BAHCC1: variants seen among roughly 807,000 people sequenced by gnomAD.
The protein encoded by BAHCC1 is BAH and coiled-coil domain-containing protein 1.
BAHCC1 carries 43 observed loss-of-function variants against 88.2 expected under a neutral mutation model. The observed-to-expected ratio is 0.49, with a 90% CI of 0.38 to 0.63. BAHCC1 has a LOEUF of 0.63. Ranked by LOEUF, BAHCC1 falls within the 20% of genes least tolerant of loss-of-function variation. BAHCC1 has a pLI of 0.00. For missense variants in BAHCC1, 3,023 were observed against 1,654.8 expected (o/e 1.83, Z -14.34); for synonymous variants, 1,510 against 745.5 (o/e 2.03, Z -16.71).
At chr17:81,416,814 C>T (rs895718355) in intron 2 of BAHCC1, among the ~76,000 whole-genome samples, 8 of 152,202 alleles carry the variant, frequency 5.3e-5, no homozygotes, top group Non-Finnish European at 1.2e-4. Flanking sequence ...GGAGCACGCT[C>T]GCAGCCTGTG....
intron 11 of BAHCC1, among the ~76,000 whole-genome samples, chr17:81,448,570 G>A (rs1555655139): frequency 1.3e-5 from 2 of 152,218 alleles, no homozygotes; most frequent in Admixed American, 6.5e-5. Flanking sequence ...TCCCCCAGCC[G>A]GGCACGGCGC....
chr17:81,405,999 G>A (rs954302699), intron 2 of BAHCC1, among the ~76,000 whole-genome samples: 4 of 152,228 alleles, frequency 2.6e-5, no homozygotes, highest in Admixed American at 6.5e-5. Flanking sequence ...TAGCAGCAGG[G>A]CCAGCCTCTG....
rs140851443 is a variant in BAHCC1, at chr17:81,458,810, C to T, written c.5449-3C>T. On this transcript the variant is annotated splice_region_variant and splice_polypyrimidine_tract_variant and intron_variant, in intron 19 of 27. Coordinates refer to ENST00000675386, the MANE Select transcript of BAHCC1 (RefSeq NM_001377448.1). ...ACCCAAGCCTGACTCCTCTGGCCCC[C>T]AGGGCAAGGGCCGGGCCGTGAGCCG... 5.2e-6 allele frequency: 4 copies of T among 763,386 alleles called. No individual in the cohort carries two copies. The highest frequency in any genetic ancestry group is 2.5e-5 in the East Asian group (1 of 40,816). The allele number at this position is 763,386 out of a possible 1,614,324, so 47.3% of individuals were successfully genotyped here.
At chr17:81,419,923 C>T (rs1555649417) in intron 2 of BAHCC1, among the ~76,000 whole-genome samples, 1 of 152,150 alleles carries the variant, frequency 6.6e-6, no homozygotes, top group African/African-American at 2.4e-5. Context: ...GCTCCCGGGC[C>T]CTGCCGTCCT....
At chr17:81,449,219 T>C (rs1389976916) in intron 11 of BAHCC1, among the ~76,000 whole-genome samples, 1 of 152,134 alleles carries the variant, frequency 6.6e-6, no homozygotes, top group African/African-American at 2.4e-5. Context: ...CCCCAGGGTG[T>C]GCAGAAGTGG....
At position 81,399,891 on chromosome 17, in the gene BAHCC1, C is replaced by T. The variant is rs1275093671; in HGVS notation, c.152C>T (p.Ser51Leu). 8 of 1,449,298 alleles carry T rather than the reference C, an allele frequency of 5.5e-6. No homozygotes were observed. The highest frequency in any genetic ancestry group is 7.3e-6 in the Non-Finnish European group (8 of 1,098,688). 89.8% of individuals were successfully genotyped at this position (1,449,298 alleles called of 1,614,324 possible). Residue 51 changes from serine (S) to leucine (L), a missense_variant, in exon 2 of 28, where the codon TCG (serine) becomes TTG (leucine). Coordinates refer to ENST00000675386, the MANE Select transcript of BAHCC1 (RefSeq NM_001377448.1). This position sits in a 1 kb window ranked among gnomAD's most constrained non-coding sequence, Gnocchi z 4.5. ...AHFQPGKYFP[S>L]PLPMASHTAS... ...TTCCAGCCGGGAAAGTACTTCCCGTCGCCGTTGCCCATGGCTTCGCACACA... is the reference window on the plus strand; with the variant it reads ...TTCCAGCCGGGAAAGTACTTCCCGTTGCCGTTGCCCATGGCTTCGCACACA...
intron 2 of BAHCC1, among the ~76,000 whole-genome samples, chr17:81,425,711 ATAG>A (rs781998795): frequency 0.058 from 4,125 of 70,736 alleles, 97 homozygotes; most frequent in African/African-American, 0.19. Context: ...GTTGGTGGTG[ATAG>A]TGGTGGGTGA....
chr17:81,421,792 G>A (rs1049441578), intron 2 of BAHCC1: 9 of 173,132 alleles, frequency 5.2e-5, no homozygotes, highest in Non-Finnish European at 1.0e-4. Flanking sequence ...CCAGAGCCAG[G>A]ATTTCCAGAA....
intron 3 of BAHCC1, among the ~76,000 whole-genome samples, chr17:81,437,675 G>T (rs1198971977): frequency 2.6e-5 from 4 of 152,216 alleles, no homozygotes; most frequent in African/African-American, 9.6e-5. Context: ...AAATGTGGCT[G>T]CCTTGAGGGA....
chr17:81,429,763 G>A (rs961050720), intron 3 of BAHCC1, among the ~76,000 whole-genome samples: 1 of 152,218 alleles, frequency 6.6e-6, no homozygotes, highest in Non-Finnish European at 1.5e-5. Flanking sequence ...CCCCTCCCCA[G>A]CCCAGGGCTT....
At chr17:81,396,238 G>C (rs932650698) in intron 1 of BAHCC1, 1 of 152,274 alleles carries the variant, frequency 6.6e-6, no homozygotes, top group Admixed American at 6.5e-5. Flanking sequence ...GCCGGGGAGG[G>C]GAATGGTCAT....
chr17:81,443,282 G>GTGGTGGGCCAGAAAGCACCCT lies in BAHCC1; in HGVS notation c.1943_1963dup (p.Gln648_Gly654dup). 4 of 779,524 alleles carry GTGGTGGGCCAGAAAGCACCCT rather than the reference G, an allele frequency of 5.1e-6. No homozygotes were observed. Among genetic ancestry groups the GTGGTGGGCCAGAAAGCACCCT allele is most frequent in the Non-Finnish European group, 9.6e-6 (4 of 417,918 alleles). The allele number at this position is 779,524 out of a possible 1,614,324, so 48.3% of individuals were successfully genotyped here. A position where few individuals can be genotyped will look rare whatever the true frequency, so the allele number is the denominator to read the frequency against. On this transcript the variant is annotated inframe_insertion, in exon 5 of 28. Coordinates refer to ENST00000675386, the MANE Select transcript of BAHCC1 (RefSeq NM_001377448.1). ...GCTCAAATACAGCAGCCAGGCCCTG[G>GTGGTGGGCCAGAAAGCACCCT]TGGTGGGCCAGAAAGCACCCTTGGT...
Position 81,442,500 on chromosome 17 carries a change from C to T in BAHCC1, c.1151C>T (p.Pro384Leu), listed in dbSNP as rs1555652851. The change falls in exon 5 of 28, where the codon CCC becomes CTC. Residue 384 changes from proline (P) to leucine (L), a missense_variant. Physicochemically the swap from Pro to Leu is moderately conservative, Grantham distance 98. Transcript: ENST00000675386. ...DGLCPLQDKA[P>L]RDLKASGPTF... ...CTCTGCCCGCTGCAGGACAAAGCCC[C>T]CCGGGACCTAAAGGCCAGCGGGCCC... is the stretch of plus-strand genomic sequence containing the variant. 2.8e-6 allele frequency: 2 copies of T among 719,876 alleles called. No individual in the cohort carries two copies. Among genetic ancestry groups the T allele is most frequent in the Non-Finnish European group, 5.1e-6 (2 of 389,110 alleles). The allele number at this position is 719,876 out of a possible 1,614,324, so 44.6% of individuals were successfully genotyped here.
intron 3 of BAHCC1, among the ~76,000 whole-genome samples, chr17:81,436,336 G>T (rs1360118200): frequency 2.0e-5 from 3 of 152,182 alleles, no homozygotes; most frequent in African/African-American, 7.2e-5. Flanking sequence ...GGGGACCGGC[G>T]GGAAGGAGCC....
At chr17:81,457,782 AGG>A (rs2064777706) in intron 17 of BAHCC1, among the ~76,000 whole-genome samples, 190 bp downstream of exon 17, 5 of 40,840 alleles carry the variant, frequency 1.2e-4, no homozygotes, top group Admixed American at 7.1e-4. Flanking sequence ...GGTAATCAGG[AGG>A]GGGAGGGCAG....
chr17:81,448,130 G>C (rs904013439), intron 11 of BAHCC1, among the ~76,000 whole-genome samples: 1 of 152,218 alleles, frequency 6.6e-6, no homozygotes, highest in South Asian at 2.1e-4. Context: ...AGCACCTCCT[G>C]TTGGAAGTGG....
chr17:81,398,552 G>A (rs184063437), intron 1 of BAHCC1, among the ~76,000 whole-genome samples: 79 of 152,354 alleles, frequency 5.2e-4, no homozygotes, highest in African/African-American at 1.9e-3. Context: ...GCTGAAGGAA[G>A]AAATCCCAGG....
At chr17:81,460,144 ACTGT>A (rs1224874863) in intron 23 of BAHCC1, 129 bp from the exon 24 acceptor site, 4 of 629,780 alleles carry the variant, frequency 6.4e-6, no homozygotes, top group Non-Finnish European at 1.2e-5. Flanking sequence ...GGGCGGCTCC[ACTGT>A]CTGTGTGGTC....
rs1338777595 is a variant in BAHCC1 at position 81,398,948 on chromosome 17, C to A, written c.-206-586C>A. 2.7e-5 allele frequency among the ~76,000 whole-genome samples: 4 copies of A among 149,262 alleles called. No homozygotes were observed. The East Asian group carries it at 7.8e-4, about 29-fold the overall frequency. ...GGAAGGTTATTAAAAAAAAAAAAAA[C>A]TCTTGAGTTACAATCAATAAAATTA... is the stretch of plus-strand genomic sequence containing the variant. On this transcript the variant is annotated intron_variant, in intron 1 of 27. Transcript: ENST00000675386.
Sources: allele counts gnomAD v4.1 joint callset (sites outside exome capture counted in the v4.1 genomes callset), GRCh38; gene constraint gnomAD v4.1.1; non-coding constraint Gnocchi (gnomAD v3.1); transcripts MANE v1.5; gene names NCBI Gene and HGNC (gene_info 2026-07-23, HGNC 2026-07-21).